NET1: variants seen among roughly 807,000 people sequenced by gnomAD.
NET1 encodes neuroepithelial cell transforming 1.
In NET1, 42 loss-of-function variants were observed where a neutral mutation model predicts 61.1. The observed-to-expected ratio is 0.69, with a 90% CI of 0.54 to 0.89. NET1 has a LOEUF of 0.89. Among genes scored for constraint, NET1 ranks in the 40% least tolerant of loss-of-function variants. The pLI, the probability that NET1 is intolerant of heterozygous loss-of-function variation, is 0.00. For synonymous variants in NET1, 254 were observed against 281.8 expected, an observed-to-expected ratio of 0.90 and a Z score of 0.99; for missense variants, 654 against 747.3, an observed-to-expected ratio of 0.88 and a Z score of 1.46.
rs1197192662 is a variant in NET1, at chr10:5,440,899, C to T, written c.256-10931C>T. 6.6e-6 allele frequency among the ~76,000 whole-genome samples: 1 copy of T among 152,156 alleles called. No individual in the cohort carries two copies. The highest frequency in any genetic ancestry group is 1.5e-5 in the Non-Finnish European group (1 of 68,022). The stretch of plus-strand genomic sequence containing the variant: ...AGTGAGTCTGTTTCAGAGTCCCATC[C>T]TGTGTTTCTGATCTCTAGGACCAAT... On this transcript the variant is annotated intron_variant, in intron 3 of 11. Coordinates refer to ENST00000355029, the MANE Select transcript of NET1 (RefSeq NM_001047160.3). This position sits in a 1 kb window ranked among gnomAD's most constrained non-coding sequence, Gnocchi z 4.1.
rs1832749616 is a variant in NET1 at position 5,453,807 on chromosome 10, T to G, written c.768+247T>G. 1.3e-5 allele frequency among the ~76,000 whole-genome samples: 2 copies of G among 152,056 alleles called. No individual in the cohort carries two copies. The highest frequency in any genetic ancestry group is 2.9e-5 in the Non-Finnish European group (2 of 68,000). On this transcript the variant is annotated intron_variant, in intron 8 of 11. Transcript: ENST00000355029. The surrounding 1 kb of genome is among the most constrained non-coding windows in gnomAD (Gnocchi z 4.9). ...TTCCTGCTTGGATAGAATTCCCACATCATGTGTGATTATCCGTTGCATTCT... is the reference window on the plus strand; with the variant it reads ...TTCCTGCTTGGATAGAATTCCCACAGCATGTGTGATTATCCGTTGCATTCT...
At position 5,458,223 on chromosome 10, in the gene NET1, G is replaced by C. The variant is rs1832840550; in HGVS notation, c.*1229G>C. The C allele has an allele frequency of 6.6e-6, 1 of 152,176 alleles. No individual in the cohort carries two copies. Among genetic ancestry groups the C allele is most frequent in the Admixed American group, 6.5e-5 (1 of 15,278 alleles). 9.4% of individuals were successfully genotyped at this position (152,176 alleles called of 1,614,324 possible). On this transcript the variant is annotated 3_prime_UTR_variant, in exon 12 of 12. Coordinates refer to ENST00000355029, the MANE Select transcript of NET1 (RefSeq NM_001047160.3). This position sits in a 1 kb window ranked among gnomAD's most constrained non-coding sequence, Gnocchi z 4.5. ...TGGATTTAGTCATAAGATGGAAAAA[G>C]ACTGGTGAATCTTTTATTACAAAAT...
chr10:5,433,883 C>G (rs1316121139), intron 3 of NET1, among the ~76,000 whole-genome samples: 1 of 151,382 alleles, frequency 6.6e-6, no homozygotes, highest in Admixed American at 6.6e-5. Flanking sequence ...CCTTTTTTCC[C>G]TAATGCATTA....
rs1832212570 is a variant in NET1 at position 5,423,533 on chromosome 10, T to C, written c.129-3122T>C. 2.0e-5 allele frequency among the ~76,000 whole-genome samples: 3 copies of C among 152,314 alleles called. No homozygotes were observed. In the South Asian group the frequency reaches 6.2e-4, roughly 32 times the overall value. On this transcript the variant is annotated intron_variant, in intron 1 of 11. Coordinates refer to ENST00000355029, the MANE Select transcript of NET1 (RefSeq NM_001047160.3). This position sits in a 1 kb window ranked among gnomAD's most constrained non-coding sequence, Gnocchi z 4.4. The stretch of plus-strand genomic sequence containing the variant: ...AAATCGGGAACTTAATTTAATACAC[T>C]AAGCTAATTCCTTAATGTATTAGTT...
chr10:5,454,204 C>G lies in NET1; in HGVS notation c.769-61C>G. On this transcript the variant is annotated intron_variant, in intron 8 of 11. Coordinates refer to ENST00000355029, the MANE Select transcript of NET1 (RefSeq NM_001047160.3). This position sits in a 1 kb window ranked among gnomAD's most constrained non-coding sequence, Gnocchi z 8.1. ...ACATTTTGTGTTTCATGTTTGCAGG[C>G]TTGTTAATGCACTCGGTCATAACAG... is the stretch of plus-strand genomic sequence containing the variant. The G allele has an allele frequency of 6.6e-7, 1 of 1,515,852 alleles. No homozygotes were observed. The highest frequency in any genetic ancestry group is 8.9e-7 in the Non-Finnish European group (1 of 1,125,090). 93.9% of individuals were successfully genotyped at this position (1,515,852 alleles called of 1,614,324 possible).
At chr10:5,445,981 A>G (rs1272965524) in intron 3 of NET1, among the ~76,000 whole-genome samples, 1 of 152,196 alleles carries the variant, frequency 6.6e-6, no homozygotes, top group African/African-American at 2.4e-5. Context: ...CAAGTTTTTA[A>G]AAAGATCCAG....
At chr10:5,445,024 C>A (rs1360923151) in intron 3 of NET1, among the ~76,000 whole-genome samples, 1 of 152,194 alleles carries the variant, frequency 6.6e-6, no homozygotes, top group East Asian at 1.9e-4. Flanking sequence ...AGGCAAAGTT[C>A]TTGTTGCCCG....
rs756729467 is a variant in NET1 at position 5,439,681 on chromosome 10, G to A, written c.255+10452G>A. 2.6e-5 allele frequency among the ~76,000 whole-genome samples: 4 copies of A among 152,226 alleles called. No individual in the cohort carries two copies. Among genetic ancestry groups the A allele is most frequent in the Admixed American group, 2.6e-4 (4 of 15,282 alleles). On this transcript the variant is annotated intron_variant, in intron 3 of 11. Coordinates refer to ENST00000355029, the MANE Select transcript of NET1 (RefSeq NM_001047160.3). The surrounding 1 kb of genome is among the most constrained non-coding windows in gnomAD (Gnocchi z 4.8). ...TTTCAAACCGGAGTCATTTTCTGCT[G>A]TGGAAAGCAGAGCTTTGCTCTGGAA...
At chr10:5,413,511 A>G (rs2119158864) in intron 1 of NET1, among the ~76,000 whole-genome samples, 1 of 152,258 alleles carries the variant, frequency 6.6e-6, no homozygotes, top group South Asian at 2.1e-4. Context: ...AGCTCAGGGG[A>G]TAGCTAGTGA....
In NET1 at chr10:5,456,760, C is replaced by T. The variant is rs769494085; in HGVS notation, c.1557C>T (p.His519=). 9 of 1,613,686 alleles carry T rather than the reference C, an allele frequency of 5.6e-6. No homozygotes were observed. In the African/African-American group the frequency reaches 9.3e-5, roughly 17 times the overall value. ...PPELQGLPEL[H]EECEGNHPSA... is the part of the protein sequence containing the mutation. ...AGCTGCAGGGCCTGCCGGAGCTGCA[C>T]GAAGAGTGTGAGGGGAACCACCCCT... Residue 519 remains histidine (H), a synonymous_variant, in exon 12 of 12, where the codon CAC becomes CAT. Transcript: ENST00000355029. The surrounding 1 kb of genome is among the most constrained non-coding windows in gnomAD (Gnocchi z 7.0).
chr10:5,414,430 C>G (rs957055115), intron 1 of NET1, among the ~76,000 whole-genome samples: 2 of 152,150 alleles, frequency 1.3e-5, no homozygotes, highest in African/African-American at 4.8e-5. Context: ...AAACTATTCC[C>G]CAAAAATGTG....
At position 5,444,619 on chromosome 10, in the gene NET1, T is replaced by G. The variant is rs1340740313; in HGVS notation, c.256-7211T>G. Among the ~76,000 whole-genome samples, 1 of 152,242 alleles carries G rather than the reference T, an allele frequency of 6.6e-6. No homozygotes were observed. Reference sequence around the variant, plus strand: ...TGCTTTGTTTCTTTCCTTCTAACTATTCCTTTTGCAGAATTTTCCTTCCCT... The same window carrying G: ...TGCTTTGTTTCTTTCCTTCTAACTAGTCCTTTTGCAGAATTTTCCTTCCCT... On this transcript the variant is annotated intron_variant, in intron 3 of 11. Transcript: ENST00000355029. The surrounding 1 kb of genome is among the most constrained non-coding windows in gnomAD (Gnocchi z 5.3).
chr10:5,446,851 A>G lies in NET1; in HGVS notation c.256-4979A>G, dbSNP rs143847740. On this transcript the variant is annotated intron_variant, in intron 3 of 11. Coordinates refer to ENST00000355029, the MANE Select transcript of NET1 (RefSeq NM_001047160.3). The surrounding 1 kb of genome is among the most constrained non-coding windows in gnomAD (Gnocchi z 5.0). ...GATGTCAATAACCAGTCCTTCAGAGAACAAGAGGTAAGACTTTAAGAGAAA... is the reference window on the plus strand; with the variant it reads ...GATGTCAATAACCAGTCCTTCAGAGGACAAGAGGTAAGACTTTAAGAGAAA... 8.4e-5 allele frequency: 135 copies of G among 1,607,594 alleles called. No homozygotes were observed. Among genetic ancestry groups the G allele is most frequent in the Middle Eastern group, 1.6e-4 (1 of 6,064 alleles).
intron 3 of NET1, among the ~76,000 whole-genome samples, chr10:5,434,071 T>C (rs1007785544): frequency 3.3e-5 from 5 of 152,312 alleles, no homozygotes; most frequent in African/African-American, 1.2e-4. Flanking sequence ...CCAGTCTGTG[T>C]TTCCTTATAA....
chr10:5,446,674 G>A lies in NET1; in HGVS notation c.256-5156G>A. The A allele has an allele frequency of 7.4e-7, 1 of 1,354,924 alleles. No individual in the cohort carries two copies. Among genetic ancestry groups the A allele is most frequent in the Non-Finnish European group, 9.6e-7 (1 of 1,042,878 alleles). The allele number at this position is 1,354,924 out of a possible 1,614,324, so 83.9% of individuals were successfully genotyped here. A position where few individuals can be genotyped will look rare whatever the true frequency, so the allele number is the denominator to read the frequency against. ...GGCTGCCGAGGGTGGCCGAGCTCTG[G>A]GAAGAAAAGCCCGTGTGCCTCTGCA... is the stretch of plus-strand genomic sequence containing the variant. On this transcript the variant is annotated intron_variant, in intron 3 of 11. Transcript: ENST00000355029. This position sits in a 1 kb window ranked among gnomAD's most constrained non-coding sequence, Gnocchi z 5.0.
rs1018974917 is a variant in NET1, at chr10:5,426,801, C to T, written c.195+80C>T. ...GTTTCTTTCAGTCTGTTACACAGAT[C>T]AGTGGTCCTTACTTCTGAGGGTCTT... On this transcript the variant is annotated intron_variant, in intron 2 of 11. Transcript: ENST00000355029. This position sits in a 1 kb window ranked among gnomAD's most constrained non-coding sequence, Gnocchi z 4.6. 2 of 948,158 alleles carry T rather than the reference C, an allele frequency of 2.1e-6. No individual in the cohort carries two copies. The highest frequency in any genetic ancestry group is 3.1e-6 in the Non-Finnish European group (2 of 648,966). 58.7% of individuals were successfully genotyped at this position (948,158 alleles called of 1,614,324 possible).
rs55784274 is a variant in NET1 at position 5,415,440 on chromosome 10, C to CTTTTTTTTT, written c.128+2624_128+2632dup. Among the ~76,000 whole-genome samples, 1 of 145,250 alleles carries CTTTTTTTTT rather than the reference C, an allele frequency of 6.9e-6. No individual in the cohort carries two copies. Among genetic ancestry groups the CTTTTTTTTT allele is most frequent in the Non-Finnish European group, 1.5e-5 (1 of 66,952 alleles). On this transcript the variant is annotated intron_variant, in intron 1 of 11. Coordinates refer to ENST00000355029, the MANE Select transcript of NET1 (RefSeq NM_001047160.3). This position sits in a 1 kb window ranked among gnomAD's most constrained non-coding sequence, Gnocchi z 4.7. Reference sequence around the variant, plus strand: ...CATTTTTGGTGGGCCATCCTTTGCTCTTTTTTTTTTTTCTTTTGAGACGGA... The same window carrying CTTTTTTTTT: ...CATTTTTGGTGGGCCATCCTTTGCTCTTTTTTTTTTTTTTTTTTTTTCTTTTGAGACGGA...
chr10:5,450,483 T>G (rs773030086), intron 3 of NET1, among the ~76,000 whole-genome samples: 1 of 152,094 alleles, frequency 6.6e-6, no homozygotes, highest in Non-Finnish European at 1.5e-5. Flanking sequence ...AGTCTTCAGT[T>G]GTTTAAAGGC....
rs1235708008 is a variant in NET1 at position 5,447,495 on chromosome 10, TTATAC to T, written c.256-4330_256-4326del. Among the ~76,000 whole-genome samples, 1 of 152,242 alleles carries T rather than the reference TTATAC, an allele frequency of 6.6e-6. No individual in the cohort carries two copies. Among genetic ancestry groups the T allele is most frequent in the Non-Finnish European group, 1.5e-5 (1 of 68,050 alleles). On this transcript the variant is annotated intron_variant, in intron 3 of 11. Coordinates refer to ENST00000355029, the MANE Select transcript of NET1 (RefSeq NM_001047160.3). The surrounding 1 kb of genome is among the most constrained non-coding windows in gnomAD (Gnocchi z 4.1). ...GATTTAACATTGTGTGATATTCTGT[TTATAC>T]TATATACTTTAATATATACTACATT...
Sources: allele counts gnomAD v4.1 joint callset (sites outside exome capture counted in the v4.1 genomes callset), GRCh38; gene constraint gnomAD v4.1.1; non-coding constraint Gnocchi (gnomAD v3.1); transcripts MANE v1.5; gene names NCBI Gene and HGNC (gene_info 2026-07-23, HGNC 2026-07-21).